The following XKR6 variants were observed in gnomAD, a reference collection of about 807,000 sequenced individuals.
XKR6 encodes the protein XK related 6, also known as XK-related protein 6.
A neutral mutation model predicts 56.7 loss-of-function variants in XKR6; 22 were observed. The ratio of observed to expected loss-of-function variants is 0.39; its 90% CI spans 0.28 to 0.55. The LOEUF is 0.55. XKR6 is among the 20% of genes least tolerant of loss of function. XKR6 has a pLI of 0.66. For missense variants in XKR6, 852 were observed against 889.0 expected (o/e 0.96, Z 0.53); for synonymous variants, 524 against 387.8 (o/e 1.35, Z -4.13).
intron 1 of XKR6, among the ~76,000 whole-genome samples, chr8:11,143,999 C>G (rs1389228766): frequency 6.6e-6 from 1 of 151,950 alleles, no homozygotes; most frequent in Non-Finnish European, 1.5e-5. Flanking sequence ...CATGTGTGTC[C>G]CTGGGGTCTC....
intron 1 of XKR6, among the ~76,000 whole-genome samples, chr8:11,139,647 G>A (rs1018502773): frequency 3.3e-5 from 5 of 152,170 alleles, no homozygotes; most frequent in African/African-American, 1.2e-4. Context: ...ATTCAAAAAG[G>A]AGCAAAACAG....
At chr8:10,952,956 C>T (rs986173511) in intron 1 of XKR6, among the ~76,000 whole-genome samples, 4 of 152,162 alleles carry the variant, frequency 2.6e-5, no homozygotes, top group Non-Finnish European at 1.5e-5. Context: ...CTGTTGTGAA[C>T]TGTGCCTGCG....
At chr8:11,056,098 C>G (rs531632927) in intron 1 of XKR6, among the ~76,000 whole-genome samples, 1 of 152,216 alleles carries the variant, frequency 6.6e-6, no homozygotes, top group East Asian at 1.9e-4. Context: ...GACGACGTCC[C>G]GACTCCTCCT....
At chr8:11,113,012 T>C (rs1397430031) in intron 1 of XKR6, among the ~76,000 whole-genome samples, 1 of 152,156 alleles carries the variant, frequency 6.6e-6, no homozygotes, top group Non-Finnish European at 1.5e-5. Flanking sequence ...AAGATGACTT[T>C]TAAAAAATGA....
intron 1 of XKR6, among the ~76,000 whole-genome samples, chr8:11,021,904 T>C (rs1042051456): frequency 6.6e-6 from 1 of 151,906 alleles, no homozygotes; most frequent in African/African-American, 2.4e-5. Flanking sequence ...TCCTCCTTCC[T>C]ACTTTCCTCC....
chr8:11,153,958 T>C (rs1410760421), intron 1 of XKR6, among the ~76,000 whole-genome samples: 3 of 152,216 alleles, frequency 2.0e-5, no homozygotes, highest in Non-Finnish European at 4.4e-5. Context: ...GTCTCTCCGT[T>C]TCCACCCCTG....
intron 1 of XKR6, among the ~76,000 whole-genome samples, chr8:11,062,323 C>G (rs1038994203): frequency 6.6e-6 from 1 of 152,150 alleles, no homozygotes; most frequent in African/African-American, 2.4e-5. Flanking sequence ...AGGGGGCCAA[C>G]TGTGACATAT....
intron 1 of XKR6, chr8:11,108,117 C>A (rs10097387): frequency 0.026 from 8,809 of 339,810 alleles, 748 homozygotes; most frequent in African/African-American, 0.18. Context: ...TGGAAACACG[C>A]AAAGGGACCC....
At chr8:10,991,116 C>G (rs923738702) in intron 1 of XKR6, among the ~76,000 whole-genome samples, 10 of 151,988 alleles carry the variant, frequency 6.6e-5, no homozygotes, top group Non-Finnish European at 1.5e-4. Flanking sequence ...GTTGGTCAGT[C>G]TAGTGTTGAA....
intron 1 of XKR6, among the ~76,000 whole-genome samples, chr8:11,009,049 C>T (rs1798440054): frequency 6.7e-6 from 1 of 149,038 alleles, no homozygotes; most frequent in East Asian, 2.0e-4. Context: ...AAAGCCAGGC[C>T]CCAAATTACA....
chr8:11,103,940 T>A (rs1798580196), intron 1 of XKR6, among the ~76,000 whole-genome samples: 1 of 152,234 alleles, frequency 6.6e-6, no homozygotes, highest in Non-Finnish European at 1.5e-5. Context: ...TAAAAGCCAT[T>A]GCTGACAGCT....
intron 1 of XKR6, among the ~76,000 whole-genome samples, chr8:11,196,847 T>G (rs931218678): frequency 2.0e-5 from 3 of 152,122 alleles, no homozygotes; most frequent in Non-Finnish European, 4.4e-5. Context: ...TCTTGTAAAA[T>G]AGTCAACATG....
chr8:10,944,636 T>C (rs12546366), intron 1 of XKR6, among the ~76,000 whole-genome samples: 84,185 of 151,954 alleles, frequency 0.55, 25,327 homozygotes, highest in African/African-American at 0.75. Flanking sequence ...CTCTGGTTCA[T>C]AGGCTCTGAG....
intron 1 of XKR6, among the ~76,000 whole-genome samples, chr8:11,170,538 C>T (rs77843813): frequency 0.058 from 8,778 of 152,162 alleles, 313 homozygotes; most frequent in South Asian, 0.098. Flanking sequence ...TTCCCAGGGG[C>T]TGGGAAAGGG....
chr8:11,038,646 T>G (rs1388765345), intron 1 of XKR6, among the ~76,000 whole-genome samples: 2 of 151,968 alleles, frequency 1.3e-5, no homozygotes, highest in African/African-American at 4.8e-5. Flanking sequence ...ATGATCCTCC[T>G]GCCTCAGCCT....
chr8:11,026,073 T>C (rs1338656191), intron 1 of XKR6, among the ~76,000 whole-genome samples: 1 of 152,206 alleles, frequency 6.6e-6, no homozygotes, highest in Non-Finnish European at 1.5e-5. Flanking sequence ...TTCTGAGAAA[T>C]GTGTCGTTAG....
rs138628824 is a variant in XKR6 at position 10,951,773 on chromosome 8, G to A, written c.765-26943C>T. The stretch of plus-strand genomic sequence containing the variant: ...GAAGCCACCCCAGCTGCATGTCAGT[G>A]GCCTTGGGAGAGGGAGAAACGAGGT... On this transcript the variant is annotated intron_variant, in intron 1 of 2. Coordinates refer to ENST00000416569, the MANE Select transcript of XKR6 (RefSeq NM_173683.4). 5.9e-4 allele frequency among the ~76,000 whole-genome samples: 90 copies of A among 152,294 alleles called. No individual in the cohort carries two copies. The East Asian group carries it at 0.016, about 27-fold the overall frequency.
chr8:10,938,699 A>G (rs1801301615), intron 1 of XKR6, among the ~76,000 whole-genome samples: 1 of 152,080 alleles, frequency 6.6e-6, no homozygotes, highest in African/African-American at 2.4e-5. Context: ...TTAAGGCATG[A>G]TTTGCTTAAA....
At position 10,991,006 on chromosome 8, in the gene XKR6, C is replaced by A. The variant is rs189319766; in HGVS notation, c.765-66176G>T. Among the ~76,000 whole-genome samples the A allele has an allele frequency of 4.7e-3, 694 of 146,544 alleles. 7 individuals carry two copies. Among genetic ancestry groups the A allele is most frequent in the African/African-American group, 0.017 (664 of 38,832 alleles). ...CCACCTCCACCTCCCGGAGTTCAAG[C>A]GATTCTCCTGCCTCAGCCTCCTGAG... is the stretch of plus-strand genomic sequence containing the variant. On this transcript the variant is annotated intron_variant, in intron 1 of 2. Coordinates refer to ENST00000416569, the MANE Select transcript of XKR6 (RefSeq NM_173683.4).
Sources: allele counts gnomAD v4.1 joint callset (sites outside exome capture counted in the v4.1 genomes callset), GRCh38; gene constraint gnomAD v4.1.1; transcripts MANE v1.5; gene names NCBI Gene and HGNC (gene_info 2026-07-23, HGNC 2026-07-21).